Variants in CNTNAP5 observed in about 807,000 individuals in gnomAD.
CNTNAP5 encodes the protein contactin-associated protein-like 5.
In CNTNAP5, 72 loss-of-function variants were observed where a neutral mutation model predicts 150.2. That is an observed-to-expected ratio of 0.48 (90% CI 0.40 to 0.58). CNTNAP5 has a LOEUF of 0.58. CNTNAP5 is among the 20% of genes least tolerant of loss of function. The pLI is 0.00. For missense variants in CNTNAP5, 1,636 were observed against 1,626.2 expected, an observed-to-expected ratio of 1.01 and a Z score of -0.10; for synonymous variants, 672 against 619.8, an observed-to-expected ratio of 1.08 and a Z score of -1.25.
chr2:124,760,175 G>T (rs1680928972), intron 14 of CNTNAP5, among the ~76,000 whole-genome samples: 1 of 151,720 alleles, frequency 6.6e-6, no homozygotes, highest in Non-Finnish European at 1.5e-5. Context: ...GTCTCTTGAG[G>T]TTGATCCACT....
At chr2:124,876,384 C>T (rs544320395) in intron 21 of CNTNAP5, among the ~76,000 whole-genome samples, 14 of 151,040 alleles carry the variant, frequency 9.3e-5, no homozygotes, top group African/African-American at 3.2e-4. Context: ...GCTGTTCTTA[C>T]CAGAGAAAGA....
At chr2:124,619,908 CATATATATAT>C (rs10540154) in intron 12 of CNTNAP5, among the ~76,000 whole-genome samples, 1 of 115,548 alleles carries the variant, frequency 8.7e-6, no homozygotes, top group African/African-American at 4.6e-5. Flanking sequence ...CTGTCTCATT[CATATATATAT>C]ATATATATAT....
chr2:124,113,172 G>T (rs1369158401), intron 1 of CNTNAP5, among the ~76,000 whole-genome samples: 2 of 152,040 alleles, frequency 1.3e-5, no homozygotes, highest in Non-Finnish European at 2.9e-5. Context: ...TGAATCACAT[G>T]CACATCATCC....
In CNTNAP5 at chr2:124,586,368, C is replaced by G. The variant is rs181791573; in HGVS notation, c.1756+23045C>G. On this transcript the variant is annotated intron_variant, in intron 11 of 23. Transcript: ENST00000682447. ...TGGCATGAGTCAGGGTCGCTGAGCC[C>G]CTGTAAGCATGAGGACAGCTTAGCT... 1.9e-3 allele frequency among the ~76,000 whole-genome samples: 295 copies of G among 152,236 alleles called. 2 individuals are homozygous for G. Among genetic ancestry groups the G allele is most frequent in the African/African-American group, 6.2e-3 (259 of 41,554 alleles).
At chr2:124,313,696 C>T (rs1688889048) in intron 3 of CNTNAP5, among the ~76,000 whole-genome samples, 1 of 152,166 alleles carries the variant, frequency 6.6e-6, no homozygotes, top group Non-Finnish European at 1.5e-5. Flanking sequence ...CTGGATCATG[C>T]CATCATGTCT....
chr2:124,560,706 A>G (rs1330426943), intron 10 of CNTNAP5, among the ~76,000 whole-genome samples: 3 of 152,238 alleles, frequency 2.0e-5, no homozygotes, highest in Admixed American at 6.5e-5. Flanking sequence ...CATCTAATAT[A>G]TATGAAAATA....
chr2:124,798,045 A>C, intron 18 of CNTNAP5, 51 bp from the exon 19 acceptor site: 1 of 1,411,886 alleles, frequency 7.1e-7, no homozygotes, highest in South Asian at 1.2e-5. Context: ...GTTAGCTTGA[A>C]CAATGGATCT....
chr2:124,917,243 T>C lies in CNTNAP5; in HGVS notation c.*2955T>C, dbSNP rs1350960466. Among the ~76,000 whole-genome samples the C allele has an allele frequency of 6.6e-6, 1 of 152,078 alleles. No homozygotes were observed. Among genetic ancestry groups the C allele is most frequent in the African/African-American group, 2.4e-5 (1 of 41,436 alleles). On this transcript the variant is annotated 3_prime_UTR_variant, in exon 24 of 24. Transcript: ENST00000682447. Reference sequence around the variant, plus strand: ...AACTGCTGTTTACAAAAAGATCTTATGGAATATGGATCACTTTACAGTAAA... The same window carrying C: ...AACTGCTGTTTACAAAAAGATCTTACGGAATATGGATCACTTTACAGTAAA...
chr2:124,770,055 A>G (rs1681157305), intron 16 of CNTNAP5, among the ~76,000 whole-genome samples: 1 of 152,208 alleles, frequency 6.6e-6, no homozygotes, highest in African/African-American at 2.4e-5. Context: ...TATGTCTTTA[A>G]CAGTTGCTTT....
chr2:124,115,816 G>T (rs957220555), intron 1 of CNTNAP5, among the ~76,000 whole-genome samples: 1 of 151,302 alleles, frequency 6.6e-6, no homozygotes, highest in Admixed American at 6.6e-5. Flanking sequence ...GTGTGTGTGT[G>T]TGTGTGTGTG....
intron 12 of CNTNAP5, among the ~76,000 whole-genome samples, chr2:124,621,616 C>A (rs1677615815): frequency 6.6e-6 from 1 of 152,212 alleles, no homozygotes; most frequent in South Asian, 2.1e-4. Flanking sequence ...GATTATCATC[C>A]CAGGTATTGA....
intron 6 of CNTNAP5, among the ~76,000 whole-genome samples, chr2:124,447,145 C>T (rs780253893): frequency 7.2e-5 from 11 of 151,902 alleles, no homozygotes; most frequent in Non-Finnish European, 1.5e-4. Context: ...GGCTAAACCA[C>T]AAGATAGCAG....
At chr2:124,615,252 T>C (rs1480918927) in intron 12 of CNTNAP5, among the ~76,000 whole-genome samples, 1 of 152,248 alleles carries the variant, frequency 6.6e-6, no homozygotes, top group Non-Finnish European at 1.5e-5. Flanking sequence ...TAGTGTGTAA[T>C]TTTGTTTGAT....
chr2:124,746,868 C>T (rs1487265668), intron 13 of CNTNAP5, among the ~76,000 whole-genome samples: 2 of 152,256 alleles, frequency 1.3e-5, no homozygotes, highest in African/African-American at 4.8e-5. Flanking sequence ...TACGACACTG[C>T]CTCTCAGCAT....
At chr2:124,550,718 G>A (rs1450084793) in intron 10 of CNTNAP5, among the ~76,000 whole-genome samples, 1 of 152,002 alleles carries the variant, frequency 6.6e-6, no homozygotes, top group Non-Finnish European at 1.5e-5. Flanking sequence ...ATCACTTCTA[G>A]GTCACTGAGA....
intron 8 of CNTNAP5, among the ~76,000 whole-genome samples, chr2:124,523,002 C>G (rs1281841047): frequency 6.6e-6 from 1 of 152,202 alleles, no homozygotes. Context: ...GTCTACCCCA[C>G]TAGCCTGAAC....
intron 21 of CNTNAP5, among the ~76,000 whole-genome samples, chr2:124,888,598 C>T (rs1678128443): frequency 6.6e-6 from 1 of 152,098 alleles, no homozygotes; most frequent in African/African-American, 2.4e-5. Context: ...CTCCAAGCCT[C>T]ATCAATGTTT....
intron 1 of CNTNAP5, among the ~76,000 whole-genome samples, chr2:124,203,608 T>C (rs1269114967): frequency 1.3e-5 from 2 of 152,134 alleles, no homozygotes; most frequent in Non-Finnish European, 2.9e-5. Flanking sequence ...TCCTCTGAAA[T>C]CTAGGCAGAG....
At chr2:124,216,876 A>G (rs1446448320) in intron 1 of CNTNAP5, among the ~76,000 whole-genome samples, 1 of 152,190 alleles carries the variant, frequency 6.6e-6, no homozygotes, top group Non-Finnish European at 1.5e-5. Context: ...TTATAGCAGC[A>G]TGATTTATAA....
Sources: gnomAD v4.1 joint callset for allele counts (sites outside exome capture counted in the v4.1 genomes callset) on GRCh38, gnomAD v4.1.1 for gene constraint, MANE v1.5 for transcripts, NCBI Gene and HGNC (gene_info 2026-07-23, HGNC 2026-07-21) for gene names.